Variants in SEM1 observed in about 807,000 individuals in gnomAD.
SEM1 encodes the protein SEM1 26S proteasome subunit.
Under a neutral mutation model 12.7 loss-of-function variants are expected in SEM1, and 3 were observed. The observed-to-expected ratio is 0.24, with a 90% CI of 0.11 to 0.61. The LOEUF is 0.61. Among genes scored for constraint, SEM1 ranks in the 20% least tolerant of loss-of-function variants. The probability of loss-of-function intolerance (pLI) is 0.88; values close to 1 mark genes in which losing one functional copy is unlikely to be tolerated. For missense variants in SEM1, 59 were observed against 81.3 expected, an observed-to-expected ratio of 0.73 and a Z score of 1.06; for synonymous variants, 30 against 27.8, an observed-to-expected ratio of 1.08 and a Z score of -0.25.
At chr7:96,579,962 T>A (rs968229351) in intron 2 of SEM1, among the ~76,000 whole-genome samples, 9 of 151,346 alleles carry the variant, frequency 5.9e-5, no homozygotes, top group African/African-American at 1.9e-4. Flanking sequence ...TCAATTTTTT[T>A]AATTTATTTA....
chr7:96,645,716 G>C, intron 2 of SEM1: 1 of 398,076 alleles, frequency 2.5e-6, no homozygotes, highest in Non-Finnish European at 4.4e-6. Context: ...GTTTAAGAGA[G>C]GGAGTACCTT....
intron 2 of SEM1, 92 bp downstream of exon 2, chr7:96,694,706 T>C: frequency 2.5e-6 from 2 of 795,826 alleles, no homozygotes; most frequent in Admixed American, 2.1e-5. Flanking sequence ...AAAGATTAAG[T>C]AGCTTTTAAG....
intron 2 of SEM1, among the ~76,000 whole-genome samples, chr7:96,534,708 C>T (rs182538545): frequency 2.0e-5 from 3 of 152,126 alleles, no homozygotes; most frequent in Admixed American, 6.6e-5. Flanking sequence ...ATCAAAACAA[C>T]GTATCGCAAT....
intron 2 of SEM1, among the ~76,000 whole-genome samples, chr7:96,557,919 A>T (rs893663195): frequency 3.3e-5 from 5 of 152,160 alleles, no homozygotes; most frequent in Non-Finnish European, 7.3e-5. Context: ...GGCCGTTGGA[A>T]AAGGGCAGTA....
At chr7:96,616,641 G>T (rs528560398) in intron 2 of SEM1, among the ~76,000 whole-genome samples, 53 of 152,014 alleles carry the variant, frequency 3.5e-4, no homozygotes, top group Non-Finnish European at 6.0e-4. Flanking sequence ...GTCTAGAATA[G>T]TTTTTCCTAG....
At chr7:96,552,154 T>G (rs1805299818) in intron 2 of SEM1, among the ~76,000 whole-genome samples, 1 of 151,858 alleles carries the variant, frequency 6.6e-6, no homozygotes, top group African/African-American at 2.4e-5. Flanking sequence ...GGGTGGGAGC[T>G]GGGGCTACCA....
At chr7:96,544,922 C>T (rs563104025) in intron 2 of SEM1, among the ~76,000 whole-genome samples, 222 of 151,794 alleles carry the variant, frequency 1.5e-3, no homozygotes, top group African/African-American at 5.0e-3. Flanking sequence ...GTCTCAGGGG[C>T]AGCATAAGCA....
chr7:96,509,766 G>A (rs557855412), intron 2 of SEM1, among the ~76,000 whole-genome samples: 24 of 152,182 alleles, frequency 1.6e-4, no homozygotes, highest in South Asian at 6.2e-4. Flanking sequence ...CCTTGACAAC[G>A]TTATGCTAGG....
At chr7:96,631,105 A>G (rs187902709) in intron 2 of SEM1, among the ~76,000 whole-genome samples, 47 of 152,222 alleles carry the variant, frequency 3.1e-4, no homozygotes, top group African/African-American at 1.1e-3. Flanking sequence ...GGGTTAGGGG[A>G]ATGGTGATGC....
At chr7:96,671,374 T>C (rs1054358403), downstream of SEM1, among the ~76,000 whole-genome samples, 11 of 152,210 alleles carry the variant, frequency 7.2e-5, 1 homozygote, top group Middle Eastern at 0.013. Flanking sequence ...AACCAGCTTT[T>C]ACCCATTTAA....
intron 2 of SEM1, among the ~76,000 whole-genome samples, chr7:96,514,025 G>C (rs1420415021): frequency 6.6e-6 from 1 of 151,794 alleles, no homozygotes; most frequent in Non-Finnish European, 1.5e-5. Context: ...TTATTTTATA[G>C]ATTTATCAGA....
intron 2 of SEM1, among the ~76,000 whole-genome samples, chr7:96,543,723 T>A (rs548659515): frequency 1.5e-3 from 231 of 152,184 alleles, no homozygotes; most frequent in African/African-American, 5.2e-3. Context: ...TTAGAATTTC[T>A]TAGTAACCTT....
At chr7:96,545,799 C>T (rs894856058) in intron 2 of SEM1, among the ~76,000 whole-genome samples, 1 of 151,996 alleles carries the variant, frequency 6.6e-6, no homozygotes. Context: ...TGCTGTAAAT[C>T]CTCCAGCTTA....
At chr7:96,544,208 T>C (rs1165945687) in intron 2 of SEM1, among the ~76,000 whole-genome samples, 2 of 152,042 alleles carry the variant, frequency 1.3e-5, no homozygotes, top group Non-Finnish European at 2.9e-5. Context: ...ATTTCTAGTA[T>C]TATAAATTTT....
chr7:96,675,506 T>C (rs1253237110), intron 2 of SEM1, among the ~76,000 whole-genome samples: 2 of 152,164 alleles, frequency 1.3e-5, no homozygotes, highest in African/African-American at 4.8e-5. Flanking sequence ...CAGCTAAGTA[T>C]ATAACAGACA....
intron 2 of SEM1, among the ~76,000 whole-genome samples, chr7:96,683,010 C>T (rs891499687): frequency 3.3e-5 from 5 of 151,982 alleles, no homozygotes; most frequent in African/African-American, 1.2e-4. Flanking sequence ...AATGAGATAC[C>T]ACCTCATGCC....
chr7:96,541,182 G>A (rs1804933810), intron 2 of SEM1, among the ~76,000 whole-genome samples: 1 of 151,802 alleles, frequency 6.6e-6, no homozygotes, highest in African/African-American at 2.4e-5. Context: ...TTCCACAGTG[G>A]CTGAACTAAT....
At chr7:96,598,600 G>A (rs1807080936) in intron 2 of SEM1, among the ~76,000 whole-genome samples, 1 of 152,082 alleles carries the variant, frequency 6.6e-6, no homozygotes, top group Non-Finnish European at 1.5e-5. Context: ...ACCTGAAGCA[G>A]GAGATCATAT....
chr7:96,646,198 C>G (rs754892969), intron 2 of SEM1, among the ~76,000 whole-genome samples: 1 of 152,134 alleles, frequency 6.6e-6, no homozygotes, highest in African/African-American at 2.4e-5. Context: ...TAGAACATAA[C>G]CCAGCCCATT....
Sources: gnomAD v4.1 joint callset for allele counts (sites outside exome capture counted in the v4.1 genomes callset) on GRCh38, gnomAD v4.1.1 for gene constraint, MANE v1.5 for transcripts, NCBI Gene and HGNC (gene_info 2026-07-23, HGNC 2026-07-21) for gene names.